The following NKAIN2 variants were observed in gnomAD, a reference collection of about 807,000 sequenced individuals.
The protein encoded by NKAIN2 is sodium/potassium transporting ATPase interacting 2.
NKAIN2 carries 14 observed loss-of-function variants against 32.6 expected under a neutral mutation model. The observed-to-expected ratio is 0.43, with a 90% CI of 0.28 to 0.67. The LOEUF is 0.67. NKAIN2 is among the 30% of genes least tolerant of loss of function. The pLI is 0.17. For synonymous variants in NKAIN2, 80 were observed against 87.2 expected (o/e 0.92, Z 0.46); for missense variants, 198 against 258.3 (o/e 0.77, Z 1.60).
chr6:124,311,931 C>T (rs977727851), intron 2 of NKAIN2, among the ~76,000 whole-genome samples: 1 of 152,096 alleles, frequency 6.6e-6, no homozygotes, highest in Admixed American at 6.6e-5. Flanking sequence ...CTCCTTTACT[C>T]CCAATAACTA....
intron 1 of NKAIN2, among the ~76,000 whole-genome samples, chr6:124,167,063 T>C (rs1481366136): frequency 6.9e-6 from 1 of 145,820 alleles, no homozygotes; most frequent in Non-Finnish European, 1.5e-5. Context: ...AGAAAGTCAT[T>C]GGTAGCTTGA....
chr6:123,824,754 A>T (rs1774075710), intron 1 of NKAIN2, among the ~76,000 whole-genome samples: 1 of 151,968 alleles, frequency 6.6e-6, no homozygotes, highest in Non-Finnish European at 1.5e-5. Context: ...AAAAAGAAAA[A>T]ACAATTACTA....
intron 1 of NKAIN2, among the ~76,000 whole-genome samples, chr6:124,056,081 A>G (rs1251395404): frequency 1.3e-5 from 2 of 152,056 alleles, no homozygotes; most frequent in African/African-American, 4.8e-5. Flanking sequence ...ACATTTCTGC[A>G]AGTACCAGGA....
At chr6:123,994,500 T>C (rs993345077) in intron 1 of NKAIN2, among the ~76,000 whole-genome samples, 8 of 152,092 alleles carry the variant, frequency 5.3e-5, no homozygotes. Flanking sequence ...AGCTGCTCCG[T>C]AAGCAAATAG....
At chr6:124,487,821 A>G (rs964361225) in intron 3 of NKAIN2, among the ~76,000 whole-genome samples, 1 of 152,086 alleles carries the variant, frequency 6.6e-6, no homozygotes, top group African/African-American at 2.4e-5. Context: ...GCCCATGGTC[A>G]GAGAGGAAAT....
intron 2 of NKAIN2, among the ~76,000 whole-genome samples, chr6:124,330,122 A>G (rs758528581): frequency 7.9e-5 from 12 of 152,164 alleles, no homozygotes; most frequent in Non-Finnish European, 1.8e-4. Context: ...TGCCATCCCA[A>G]TTCACCATCA....
At chr6:124,649,268 ATAT>A (rs1195827253) in intron 3 of NKAIN2, among the ~76,000 whole-genome samples, 1 of 152,214 alleles carries the variant, frequency 6.6e-6, no homozygotes, top group Non-Finnish European at 1.5e-5. Flanking sequence ...AGAATTACTA[ATAT>A]TATCAATGAA....
chr6:124,386,961 A>G (rs759853107), intron 3 of NKAIN2, among the ~76,000 whole-genome samples: 9 of 152,116 alleles, frequency 5.9e-5, no homozygotes, highest in Admixed American at 2.6e-4. Flanking sequence ...AGCAGAATTC[A>G]TGTTGCTCTA....
At chr6:124,421,836 C>G (rs1774766112) in intron 3 of NKAIN2, among the ~76,000 whole-genome samples, 1 of 152,146 alleles carries the variant, frequency 6.6e-6, no homozygotes, top group South Asian at 2.1e-4. Flanking sequence ...GGGAAGGGTT[C>G]TTTCTCGCGG....
chr6:124,364,008 A>G (rs1799406777), intron 3 of NKAIN2, among the ~76,000 whole-genome samples: 1 of 152,094 alleles, frequency 6.6e-6, no homozygotes, highest in South Asian at 2.1e-4. Context: ...AATAAACGGG[A>G]AAACTGGAAC....
rs61588781 is a variant in NKAIN2 at position 124,369,880 on chromosome 6, A to ATTTTTTTTTTTTTTTTTT, written c.273+14534_273+14551dup. Among the ~76,000 whole-genome samples the ATTTTTTTTTTTTTTTTTT allele has an allele frequency of 8.7e-4, 72 of 82,364 alleles. 6 individuals carry two copies. Among genetic ancestry groups the ATTTTTTTTTTTTTTTTTT allele is most frequent in the African/African-American group, 1.7e-3 (29 of 17,514 alleles). The allele number at this position is 82,364 out of a possible 152,430, so 54.0% of individuals were successfully genotyped here. The stretch of plus-strand genomic sequence containing the variant: ...ATTTGCTTTAGAGGGCAGAATGTCA[A>ATTTTTTTTTTTTTTTTTT]TTTTTTTTTTTTTTTTTTAACCTGT... On this transcript the variant is annotated intron_variant, in intron 3 of 6. Coordinates refer to ENST00000368417, the MANE Select transcript of NKAIN2 (RefSeq NM_001040214.3).
At position 124,180,236 on chromosome 6, in the gene NKAIN2, C is replaced by G. The variant is rs144917019; in HGVS notation, c.55-102769C>G. ...ACTTACCTGAGACTGGGTAATTTAACAAGGAAAGAGGTTTAATTGACTTAC... is the reference window on the plus strand; with the variant it reads ...ACTTACCTGAGACTGGGTAATTTAAGAAGGAAAGAGGTTTAATTGACTTAC... On this transcript the variant is annotated intron_variant, in intron 1 of 6. Coordinates refer to ENST00000368417, the MANE Select transcript of NKAIN2 (RefSeq NM_001040214.3). Among the ~76,000 whole-genome samples, 1,360 of 152,096 alleles carry G rather than the reference C, an allele frequency of 8.9e-3. 17 individuals are homozygous for G. The highest frequency in any genetic ancestry group is 0.031 in the African/African-American group (1,287 of 41,464).
chr6:124,792,037 G>A (rs897936396), intron 5 of NKAIN2, among the ~76,000 whole-genome samples: 4 of 152,008 alleles, frequency 2.6e-5, no homozygotes, highest in African/African-American at 9.7e-5. Flanking sequence ...TCTGCTCTCC[G>A]AAACATGGAG....
intron 3 of NKAIN2, among the ~76,000 whole-genome samples, chr6:124,603,635 C>T (rs1198405558): frequency 1.3e-5 from 2 of 151,888 alleles, no homozygotes; most frequent in Non-Finnish European, 2.9e-5. Context: ...AGCTGCTCCA[C>T]AAATTAGAGT....
chr6:124,615,121 G>T (rs6906967), intron 3 of NKAIN2, among the ~76,000 whole-genome samples: 27,278 of 152,010 alleles, frequency 0.18, 2,623 homozygotes, highest in Middle Eastern at 0.24. Context: ...ATATGTATTT[G>T]TTACTTTTCA....
chr6:124,291,998 A>C (rs1253183592), intron 2 of NKAIN2, among the ~76,000 whole-genome samples: 2 of 152,174 alleles, frequency 1.3e-5, no homozygotes, highest in Admixed American at 6.6e-5. Flanking sequence ...ATTTGCATGC[A>C]TCATTTTGAT....
chr6:124,370,443 T>C (rs971478594), intron 3 of NKAIN2, among the ~76,000 whole-genome samples: 15 of 152,046 alleles, frequency 9.9e-5, no homozygotes, highest in African/African-American at 3.4e-4. Flanking sequence ...TTATAGAATA[T>C]AATTAGTTTT....
At chr6:124,042,215 C>T (rs577364082) in intron 1 of NKAIN2, among the ~76,000 whole-genome samples, 10 of 152,182 alleles carry the variant, frequency 6.6e-5, no homozygotes, top group Admixed American at 2.6e-4. Context: ...TCTTGTGCTT[C>T]GGCTTATGTG....
intron 1 of NKAIN2, among the ~76,000 whole-genome samples, chr6:124,189,001 G>C (rs1226545810): frequency 6.6e-6 from 1 of 152,038 alleles, no homozygotes; most frequent in African/African-American, 2.4e-5. Context: ...TAATAATTTG[G>C]AGAAACATTT....
Sources: allele counts gnomAD v4.1 joint callset (sites outside exome capture counted in the v4.1 genomes callset), GRCh38; gene constraint gnomAD v4.1.1; transcripts MANE v1.5; gene names NCBI Gene and HGNC (gene_info 2026-07-23, HGNC 2026-07-21).